ASRGL1: variants seen among roughly 807,000 people sequenced by gnomAD.
ASRGL1 encodes the protein isoaspartyl peptidase/L-asparaginase.
In ASRGL1, 16 loss-of-function variants were observed where a neutral mutation model predicts 22.4. That is an observed-to-expected ratio of 0.71 (90% confidence interval 0.48 to 1.08). The LOEUF (loss-of-function observed/expected upper bound fraction) is 1.08. ASRGL1 is among the 50% of genes least tolerant of loss of function. The pLI is 0.00. For missense variants in ASRGL1, 412 were observed against 410.1 expected, an observed-to-expected ratio of 1.00 and a Z score of -0.04; for synonymous variants, 165 against 159.3, an observed-to-expected ratio of 1.04 and a Z score of -0.27.
At chr11:62,379,751 C>T (rs1431800758) in intron 4 of ASRGL1, among the ~76,000 whole-genome samples, 1 of 152,148 alleles carries the variant, frequency 6.6e-6, no homozygotes, top group Non-Finnish European at 1.5e-5. Context: ...ATTGTGGTAA[C>T]TGGCTCATTC....
chr11:62,389,319 T>G, intron 5 of ASRGL1, 68 bp downstream of exon 5: 8 of 1,343,802 alleles, frequency 6.0e-6, no homozygotes, highest in African/African-American at 1.4e-5. Context: ...TCACTCTCTA[T>G]TCCCTGCCCC....
intron 4 of ASRGL1, among the ~76,000 whole-genome samples, chr11:62,363,381 T>G (rs1946532005): frequency 6.6e-6 from 1 of 152,028 alleles, no homozygotes; most frequent in Non-Finnish European, 1.5e-5. Context: ...AGAGAGATAA[T>G]CCCTAAACCA....
chr11:62,391,681 A>G (rs1186655331), intron 6 of ASRGL1, 49 bp downstream of exon 6: 10 of 1,541,312 alleles, frequency 6.5e-6, no homozygotes, highest in Non-Finnish European at 8.8e-6. Context: ...ATAAGTGCAT[A>G]GAAGGTATTT....
At chr11:62,372,308 G>C in intron 4 of ASRGL1, 1 of 1,603,240 alleles carries the variant, frequency 6.2e-7, no homozygotes, top group South Asian at 1.1e-5. Context: ...AGATGGGGCA[G>C]CTGGGCCTTG....
chr11:62,373,070 G>A (rs1371128546), intron 4 of ASRGL1: 47 of 1,440,176 alleles, frequency 3.3e-5, no homozygotes, highest in Admixed American at 8.4e-5. Flanking sequence ...TCTCAGAGCC[G>A]GTCGCCATGG....
the ASRGL1 span, among the ~76,000 whole-genome samples, chr11:62,401,403 A>T: frequency 1.3e-5 from 2 of 152,222 alleles, no homozygotes; most frequent in Admixed American, 1.3e-4. Context: ...CACCATGTGC[A>T]ATAAATATCT....
At chr11:62,387,951 A>G (rs1411965745) in intron 4 of ASRGL1, among the ~76,000 whole-genome samples, 2 of 152,192 alleles carry the variant, frequency 1.3e-5, no homozygotes, top group Non-Finnish European at 2.9e-5. Flanking sequence ...AGGACAAGAA[A>G]TGCATCCTGA....
At chr11:62,368,627 A>T (rs1476050219) in intron 4 of ASRGL1, among the ~76,000 whole-genome samples, 1 of 152,020 alleles carries the variant, frequency 6.6e-6, no homozygotes, top group Non-Finnish European at 1.5e-5. Context: ...CGTACGGAGG[A>T]CCCACTCTGG....
At chr11:62,366,286 T>C (rs558615699) in intron 4 of ASRGL1, among the ~76,000 whole-genome samples, 227 of 149,214 alleles carry the variant, frequency 1.5e-3, no homozygotes, top group African/African-American at 5.3e-3. Flanking sequence ...GTTCACCTTA[T>C]ATACAGTGAA....
intron 5 of ASRGL1, 59 bp downstream of exon 5, chr11:62,389,310 C>T (rs747397331): frequency 1.4e-6 from 2 of 1,434,878 alleles, no homozygotes; most frequent in African/African-American, 2.8e-5. Context: ...AGGCTTTCCT[C>T]ACTCTCTATT....
intron 2 of ASRGL1, among the ~76,000 whole-genome samples, chr11:62,344,564 C>T (rs902970749): frequency 4.0e-5 from 6 of 149,506 alleles, no homozygotes; most frequent in East Asian, 1.9e-4. Context: ...TTTTTGTATA[C>T]GATGCAAGGT....
intron 2 of ASRGL1, among the ~76,000 whole-genome samples, chr11:62,345,375 TCTC>T (rs1417753746): frequency 1.3e-5 from 2 of 152,044 alleles, no homozygotes; most frequent in Non-Finnish European, 2.9e-5. Flanking sequence ...TACAAGTAAT[TCTC>T]CTGCCTCAGC....
intron 6 of ASRGL1, 26 bp downstream of exon 6, chr11:62,391,658 A>T: frequency 6.3e-7 from 1 of 1,577,264 alleles, no homozygotes; most frequent in South Asian, 1.2e-5. Context: ...GACAAGTAAA[A>T]TAATTTGTGA....
chr11:62,337,950 G>T lies in ASRGL1; in HGVS notation c.-28G>T. The T allele has an allele frequency of 6.4e-7, 1 of 1,569,572 alleles. No individual in the cohort carries two copies. ...TGGGCTGGCTTTGGACGACGCTTTC[G>T]CCTTCCTGCTGCCTAGGATCCGCCG... On this transcript the variant is annotated 5_prime_UTR_variant, in exon 2 of 7. Coordinates refer to ENST00000415229, the MANE Select transcript of ASRGL1 (RefSeq NM_001083926.2).
chr11:62,375,447 T>C lies in ASRGL1; in HGVS notation c.492-13686T>C, dbSNP rs1353525208. Among the ~76,000 whole-genome samples the C allele has an allele frequency of 4.7e-5, 3 of 63,450 alleles. 1 individual carries two copies. Among genetic ancestry groups the C allele is most frequent in the African/African-American group, 2.7e-4 (3 of 11,046 alleles). 41.6% of individuals were successfully genotyped at this position (63,450 alleles called of 152,430 possible). A position where few individuals can be genotyped will look rare whatever the true frequency, so the allele number is the denominator to read the frequency against. On this transcript the variant is annotated intron_variant, in intron 4 of 6. Coordinates refer to ENST00000415229, the MANE Select transcript of ASRGL1 (RefSeq NM_001083926.2). ...CTTACTTTATATATATATATATATA[T>C]ATATATATATATATATATATATATA...
At position 62,392,071 on chromosome 11, in the gene ASRGL1, GT is replaced by G. The variant is rs1947352544; in HGVS notation, c.722-4del. The G allele has an allele frequency of 3.7e-6, 6 of 1,613,794 alleles. No individual in the cohort carries two copies. In the Admixed American group the frequency reaches 5.0e-5, roughly 13 times the overall value. ...GTGTGTTGTTTCTCAACCCTTCCTT[GT>G]TTTCAGGAAAGACGGTAGAAGAGGC... is the stretch of plus-strand genomic sequence containing the variant. On this transcript the variant is annotated splice_polypyrimidine_tract_variant and splice_region_variant and intron_variant, in intron 6 of 6. Coordinates refer to ENST00000415229, the MANE Select transcript of ASRGL1 (RefSeq NM_001083926.2).
chr11:62,380,999 A>G (rs1474169125), intron 4 of ASRGL1, among the ~76,000 whole-genome samples: 14 of 152,134 alleles, frequency 9.2e-5, no homozygotes, highest in Admixed American at 9.2e-4. Flanking sequence ...GGTGCTGGAA[A>G]CACTCCTGGC....
Position 62,392,687 on chromosome 11 carries a change from G to GGGCC in ASRGL1, c.*406_*409dup, listed in dbSNP as rs1382650654. The GGGCC allele has an allele frequency of 4.4e-6, 1 of 229,482 alleles. No individual in the cohort carries two copies. The highest frequency in any genetic ancestry group is 8.7e-6 in the Non-Finnish European group (1 of 115,462). 14.2% of individuals were successfully genotyped at this position (229,482 alleles called of 1,614,324 possible). ...TGTGGGCTGGAAGGTGGGAAGGGAGGGGCCGGTGGAGGTGGAGCTGTTTGA... is the reference window on the plus strand; with the variant it reads ...TGTGGGCTGGAAGGTGGGAAGGGAGGGGCCGGCCGGTGGAGGTGGAGCTGTTTGA... On this transcript the variant is annotated 3_prime_UTR_variant, in exon 7 of 7. Coordinates refer to ENST00000415229, the MANE Select transcript of ASRGL1 (RefSeq NM_001083926.2).
intron 4 of ASRGL1, among the ~76,000 whole-genome samples, chr11:62,381,621 A>G (rs985247211): frequency 2.0e-5 from 3 of 152,026 alleles, no homozygotes; most frequent in Non-Finnish European, 4.4e-5. Context: ...TTTTTTCCCA[A>G]TCTTTTAGAT....
Sources: gnomAD v4.1 joint callset for allele counts (sites outside exome capture counted in the v4.1 genomes callset) on GRCh38, gnomAD v4.1.1 for gene constraint, MANE v1.5 for transcripts, NCBI Gene and HGNC (gene_info 2026-07-23, HGNC 2026-07-21) for gene names.